KCNIP4: variants seen among roughly 807,000 people sequenced by gnomAD.
KCNIP4 encodes the protein potassium voltage-gated channel interacting protein 4.
In KCNIP4, 12 loss-of-function variants were observed where a neutral mutation model predicts 34.0. The ratio of observed to expected loss-of-function variants is 0.35; its 90% CI spans 0.23 to 0.57. The LOEUF is 0.57. KCNIP4 is among the 20% of genes least tolerant of loss of function. The probability of loss-of-function intolerance (pLI) is 0.83; values close to 1 mark genes in which losing one functional copy is unlikely to be tolerated. For missense variants in KCNIP4, 238 were observed against 311.7 expected, an observed-to-expected ratio of 0.76 and a Z score of 1.78; for synonymous variants, 124 against 102.2, an observed-to-expected ratio of 1.21 and a Z score of -1.29.
intron 3 of KCNIP4, among the ~76,000 whole-genome samples, chr4:20,825,810 G>A (rs1387894062): frequency 2.0e-5 from 3 of 152,230 alleles, no homozygotes; most frequent in Non-Finnish European, 2.9e-5. Flanking sequence ...ACAGAAGTGC[G>A]TAAAGAATTT....
At chr4:21,667,737 C>T (rs1749107948) in intron 1 of KCNIP4, among the ~76,000 whole-genome samples, 1 of 152,174 alleles carries the variant, frequency 6.6e-6, no homozygotes, top group Non-Finnish European at 1.5e-5. Flanking sequence ...GCGAATAATG[C>T]TTCTACTTAC....
intron 1 of KCNIP4, among the ~76,000 whole-genome samples, chr4:21,141,679 C>T (rs1751963437): frequency 6.6e-6 from 1 of 152,226 alleles, no homozygotes; most frequent in African/African-American, 2.4e-5. Context: ...TATGACCCAT[C>T]TTTTATTGAA....
intron 1 of KCNIP4, among the ~76,000 whole-genome samples, chr4:21,481,513 G>A (rs1731426374): frequency 6.6e-6 from 1 of 152,162 alleles, no homozygotes; most frequent in Non-Finnish European, 1.5e-5. Flanking sequence ...TAGCCCTGGA[G>A]TTTATCTTAT....
chr4:20,822,015 C>G (rs1411998856), intron 3 of KCNIP4, among the ~76,000 whole-genome samples: 1 of 146,864 alleles, frequency 6.8e-6, no homozygotes, highest in African/African-American at 2.7e-5. Context: ...ATAGAGAATT[C>G]ATGACTAAGA....
chr4:21,728,372 T>G (rs1715351816), intron 1 of KCNIP4, among the ~76,000 whole-genome samples: 1 of 152,158 alleles, frequency 6.6e-6, no homozygotes, highest in African/African-American at 2.4e-5. Flanking sequence ...CAAATGGTGT[T>G]GGCTCAATGT....
chr4:21,025,269 C>T (rs1740419165), intron 1 of KCNIP4, among the ~76,000 whole-genome samples: 1 of 152,032 alleles, frequency 6.6e-6, no homozygotes, highest in Admixed American at 6.6e-5. Flanking sequence ...AGCTCAGATG[C>T]CTGCTCAGGT....
chr4:21,772,610 G>C (rs930023994), intron 1 of KCNIP4, among the ~76,000 whole-genome samples: 17 of 151,516 alleles, frequency 1.1e-4, no homozygotes, highest in African/African-American at 3.6e-4. Context: ...AGAGCTTTTT[G>C]TCTCTTCAGG....
At chr4:21,384,930 T>A (rs1282736637) in intron 1 of KCNIP4, among the ~76,000 whole-genome samples, 1 of 152,222 alleles carries the variant, frequency 6.6e-6, no homozygotes, top group Non-Finnish European at 1.5e-5. Context: ...TACACTGATA[T>A]ACTAAGCTAT....
At chr4:21,331,242 G>T (rs188576502) in intron 1 of KCNIP4, among the ~76,000 whole-genome samples, 1 of 152,042 alleles carries the variant, frequency 6.6e-6, no homozygotes, top group East Asian at 1.9e-4. Flanking sequence ...TATACTACAT[G>T]TCACTTCAGA....
At chr4:21,215,179 G>T (rs1757468846) in intron 1 of KCNIP4, among the ~76,000 whole-genome samples, 1 of 152,236 alleles carries the variant, frequency 6.6e-6, no homozygotes, top group Admixed American at 6.5e-5. Flanking sequence ...CTTATTTCTT[G>T]AAACAACTGA....
rs1012098039 is a variant in KCNIP4 at position 21,043,347 on chromosome 4, T to C, written c.62-160638A>G. ...TGTTTTTTCTGTTTGTTTGTTTGTT[T>C]GAGACGGAGTCTCACTCTGTCATCC... On this transcript the variant is annotated intron_variant, in intron 1 of 8. Transcript: ENST00000382152. Among the ~76,000 whole-genome samples, 9 of 152,222 alleles carry C rather than the reference T, an allele frequency of 5.9e-5. No homozygotes were observed. In the East Asian group the frequency reaches 1.7e-3, roughly 29 times the overall value.
intron 1 of KCNIP4, among the ~76,000 whole-genome samples, chr4:21,306,498 T>C (rs1370257149): frequency 6.6e-6 from 1 of 152,146 alleles, no homozygotes; most frequent in Non-Finnish European, 1.5e-5. Context: ...TGTCTCAGCC[T>C]CCCAAAGTGC....
chr4:21,282,350 A>C (rs1762829104), intron 1 of KCNIP4, among the ~76,000 whole-genome samples: 1 of 152,204 alleles, frequency 6.6e-6, no homozygotes, highest in Non-Finnish European at 1.5e-5. Flanking sequence ...ATATAAATAA[A>C]ATATTGTCTT....
chr4:21,156,250 T>C (rs1276928501), intron 1 of KCNIP4, among the ~76,000 whole-genome samples: 3 of 152,182 alleles, frequency 2.0e-5, no homozygotes, highest in Admixed American at 2.0e-4. Context: ...AGAAGCTGTC[T>C]AGCCAGGAAC....
chr4:21,154,900 G>A lies in KCNIP4; in HGVS notation c.62-272191C>T, dbSNP rs1270289673. ...AGCTGAACTTGTGAGTAAAAGCTATGTTCTAGGACAGGGGTTTCCAAACTT... is the reference window on the plus strand; with the variant it reads ...AGCTGAACTTGTGAGTAAAAGCTATATTCTAGGACAGGGGTTTCCAAACTT... On this transcript the variant is annotated intron_variant, in intron 1 of 8. Transcript: ENST00000382152. 5.9e-5 allele frequency among the ~76,000 whole-genome samples: 9 copies of A among 152,134 alleles called. No homozygotes were observed. The East Asian group carries it at 1.3e-3, about 23-fold the overall frequency.
chr4:21,025,945 A>G (rs1740525022), intron 1 of KCNIP4, among the ~76,000 whole-genome samples: 1 of 152,202 alleles, frequency 6.6e-6, no homozygotes, highest in African/African-American at 2.4e-5. Context: ...CTTCAGTGAT[A>G]TAAACGTAAA....
chr4:20,950,981 CA>C (rs1474351158), intron 1 of KCNIP4, among the ~76,000 whole-genome samples: 7 of 152,206 alleles, frequency 4.6e-5, no homozygotes, highest in African/African-American at 1.4e-4. Context: ...CCCTAGCCCC[CA>C]GTGTGGCTGT....
chr4:21,201,133 A>G (rs1756458521), intron 1 of KCNIP4, among the ~76,000 whole-genome samples: 1 of 152,238 alleles, frequency 6.6e-6, no homozygotes, highest in Non-Finnish European at 1.5e-5. Context: ...TAAAGAAGGA[A>G]TGTGGAGGAT....
intron 1 of KCNIP4, among the ~76,000 whole-genome samples, chr4:20,961,193 G>A (rs1057020679): frequency 2.0e-5 from 3 of 152,066 alleles, no homozygotes; most frequent in Non-Finnish European, 4.4e-5. Flanking sequence ...AAAATAATAT[G>A]CAAGGCAAAT....
Sources: gnomAD v4.1 joint callset for allele counts (sites outside exome capture counted in the v4.1 genomes callset) on GRCh38, gnomAD v4.1.1 for gene constraint, MANE v1.5 for transcripts, NCBI Gene and HGNC (gene_info 2026-07-23, HGNC 2026-07-21) for gene names.